SENP8: variants seen among roughly 807,000 people sequenced by gnomAD.
SENP8 encodes the protein SUMO peptidase family member, NEDD8 specific, also known as sentrin-specific protease 8.
A neutral mutation model predicts 14.4 loss-of-function variants in SENP8; 10 were observed. That is an observed-to-expected ratio of 0.69 (90% CI 0.43 to 1.18). SENP8 has a LOEUF of 1.18. Among genes scored for constraint, SENP8 ranks in the 50% most tolerant of loss-of-function variants. The probability of loss-of-function intolerance (pLI) is 0.00; values close to 1 mark genes in which losing one functional copy is unlikely to be tolerated. For missense variants in SENP8, 202 were observed against 249.4 expected, an observed-to-expected ratio of 0.81 and a Z score of 1.28; for synonymous variants, 94 against 95.5, an observed-to-expected ratio of 0.98 and a Z score of 0.09.
chr15:72,117,961 C>G (rs2081063809), upstream of SENP8: 9 of 400,996 alleles, frequency 2.2e-5, no homozygotes, highest in East Asian at 3.2e-4. Context: ...CCGCTGCCAG[C>G]GGCCGCCTCT....
upstream of SENP8, among the ~76,000 whole-genome samples, chr15:72,115,011 T>G (rs1252060854): frequency 3.3e-5 from 5 of 152,202 alleles, no homozygotes; most frequent in African/African-American, 1.2e-4. Context: ...ATTGAGGTAC[T>G]TGTTAAAAAA....
chr15:72,115,728 G>A (rs12901886), upstream of SENP8, among the ~76,000 whole-genome samples: 31,054 of 152,084 alleles, frequency 0.2, 3,374 homozygotes, highest in East Asian at 0.41. Context: ...CATCATCACA[G>A]CTAGTCACAC....
upstream of SENP8, chr15:72,118,361 C>T (rs2081086798): frequency 1.2e-5 from 2 of 172,460 alleles, no homozygotes; most frequent in East Asian, 1.5e-4. Context: ...AAAGGGATGT[C>T]GCAAGGTTGG....
chr15:72,140,883 T>TATC lies in SENP8; in HGVS notation c.*622_*624dup. On this transcript the variant is annotated 3_prime_UTR_variant, in exon 2 of 2. Coordinates refer to ENST00000340912, the MANE Select transcript of SENP8 (RefSeq NM_145204.4). ...ATATTTGATAAAGATGATGTTACCC[T>TATC]ATCTTCCTCCATCTGATTCCTGGAA... 1 of 167,288 alleles carries TATC rather than the reference T, an allele frequency of 6.0e-6. No homozygotes were observed. Among genetic ancestry groups the TATC allele is most frequent in the South Asian group, 2.1e-4 (1 of 4,830 alleles). The allele number at this position is 167,288 out of a possible 1,614,324, so 10.4% of individuals were successfully genotyped here.
chr15:72,125,797 T>G (rs2081212338), intron 1 of SENP8, among the ~76,000 whole-genome samples: 1 of 151,794 alleles, frequency 6.6e-6, no homozygotes, highest in Non-Finnish European at 1.5e-5. Flanking sequence ...CATGTAATCT[T>G]TTTTCTTTTT....
chr15:72,132,405 T>C (rs1471501085), intron 1 of SENP8, among the ~76,000 whole-genome samples: 2 of 152,176 alleles, frequency 1.3e-5, no homozygotes, highest in Non-Finnish European at 1.5e-5. Context: ...GCCTTATTTC[T>C]TTTTTTCCCG....
rs200032071 is a variant in SENP8, at chr15:72,139,926, C to A, written c.303C>A (p.Thr101=). ...ACTCCAACCAGGCAGCTGGAGGAAC[C>A]CACTGGAGTTTATTGGTCTACCTCC... ...NDNSNQAAGG[T]HWSLLVYLQD... is the part of the protein sequence containing the mutation. Residue 101 remains threonine (T), a synonymous_variant, in exon 2 of 2, where the codon ACC becomes ACA. Coordinates refer to ENST00000340912, the MANE Select transcript of SENP8 (RefSeq NM_145204.4). 2.5e-6 allele frequency: 4 copies of A among 1,613,978 alleles called. No homozygotes were observed. Among genetic ancestry groups the A allele is most frequent in the Non-Finnish European group, 3.4e-6 (4 of 1,179,988 alleles).
chr15:72,131,025 C>T (rs2081268849), intron 1 of SENP8, among the ~76,000 whole-genome samples: 1 of 152,044 alleles, frequency 6.6e-6, no homozygotes, highest in African/African-American at 2.4e-5. Context: ...GATTCTATCC[C>T]AGGTGTATGC....
At chr15:72,138,888 C>T (rs777531685) in intron 1 of SENP8, among the ~76,000 whole-genome samples, 9 of 150,538 alleles carry the variant, frequency 6.0e-5, no homozygotes, top group Non-Finnish European at 7.4e-5. Context: ...TCGCTTCAAC[C>T]CAGGAGGCAG....
In SENP8 at chr15:72,140,055, A is replaced by G; in HGVS notation, c.432A>G (p.Gly144=). Residue 144 remains glycine (G), a synonymous_variant, in exon 2 of 2, where the codon GGA becomes GGG. Transcript: ENST00000340912. ...EKLEAFLGRK[G]DKLAFVEEKA... The stretch of plus-strand genomic sequence containing the variant: ...TGGAGGCTTTCTTAGGCAGAAAAGG[A>G]GACAAACTGGCCTTTGTGGAAGAGA... 6.2e-7 allele frequency: 1 copy of G among 1,614,188 alleles called. No homozygotes were observed. Among genetic ancestry groups the G allele is most frequent in the Non-Finnish European group, 8.5e-7 (1 of 1,180,032 alleles).
chr15:72,132,694 C>G (rs1422944146), intron 1 of SENP8, among the ~76,000 whole-genome samples: 2 of 149,024 alleles, frequency 1.3e-5, no homozygotes, highest in East Asian at 3.9e-4. Flanking sequence ...CTCACTCTAT[C>G]CCCCAGGCTG....
chr15:72,131,984 T>C (rs1217148943), intron 1 of SENP8, among the ~76,000 whole-genome samples: 3 of 152,126 alleles, frequency 2.0e-5, no homozygotes, highest in Admixed American at 2.0e-4. Flanking sequence ...AGGTGCTGAG[T>C]GTTTTCACTC....
chr15:72,126,653 A>G (rs567527662), intron 1 of SENP8, among the ~76,000 whole-genome samples: 27 of 152,122 alleles, frequency 1.8e-4, no homozygotes, highest in Non-Finnish European at 3.8e-4. Context: ...CGTCACAAGA[A>G]GTGCTATTGG....
In SENP8 at chr15:72,126,335, A is replaced by G. The variant is rs996703566; in HGVS notation, c.-48+7871A>G. 3.3e-5 allele frequency among the ~76,000 whole-genome samples: 5 copies of G among 152,058 alleles called. No individual in the cohort carries two copies. The East Asian group carries it at 9.7e-4, about 29-fold the overall frequency. ...TTGAACATTTTGCAGATAAAAGAAAATTTCCGGGCCAGGCACAGTGGCTGA... is the reference window on the plus strand; with the variant it reads ...TTGAACATTTTGCAGATAAAAGAAAGTTTCCGGGCCAGGCACAGTGGCTGA... On this transcript the variant is annotated intron_variant, in intron 1 of 1. Transcript: ENST00000340912.
intron 1 of SENP8, among the ~76,000 whole-genome samples, chr15:72,135,815 A>G (rs1404399143): frequency 6.6e-6 from 1 of 152,222 alleles, no homozygotes; most frequent in Non-Finnish European, 1.5e-5. Context: ...GTGAGAGATG[A>G]CTGACTGTTG....
At chr15:72,118,268 G>GC (rs1404216977), upstream of SENP8, 1 of 296,582 alleles carries the variant, frequency 3.4e-6, no homozygotes, top group East Asian at 5.6e-5. Context: ...CCTTTCCTAC[G>GC]CCCCAGGCGG....
intron 1 of SENP8, among the ~76,000 whole-genome samples, chr15:72,134,416 C>G (rs113774933): frequency 0.023 from 3,433 of 152,066 alleles, 121 homozygotes; most frequent in African/African-American, 0.08. Flanking sequence ...CCTGTCTCTA[C>G]AAAAATTTAA....
chr15:72,132,653 CTT>C (rs975388130), intron 1 of SENP8, among the ~76,000 whole-genome samples: 29 of 125,094 alleles, frequency 2.3e-4, no homozygotes, highest in Non-Finnish European at 2.6e-4. Context: ...TTTCATAATT[CTT>C]TTTTTTTTTT....
At chr15:72,129,763 A>G (rs1307120450) in intron 1 of SENP8, among the ~76,000 whole-genome samples, 9 of 150,570 alleles carry the variant, frequency 6.0e-5, no homozygotes, top group Admixed American at 4.6e-4. Context: ...GGATCACTTG[A>G]GCCCAGGAGG....
Sources: allele counts gnomAD v4.1 joint callset (sites outside exome capture counted in the v4.1 genomes callset), GRCh38; gene constraint gnomAD v4.1.1; transcripts MANE v1.5; gene names NCBI Gene and HGNC (gene_info 2026-07-23, HGNC 2026-07-21).